PCDHGB1: variants seen among roughly 807,000 people sequenced by gnomAD.
PCDHGB1 encodes the protein protocadherin gamma subfamily B, 1, also known as protocadherin gamma-B1.
In PCDHGB1, 34 loss-of-function variants were observed where a neutral mutation model predicts 56.6. That is an observed-to-expected ratio of 0.60 (90% CI 0.46 to 0.80). The LOEUF is 0.80. Ranked by LOEUF, PCDHGB1 falls within the 30% of genes least tolerant of loss-of-function variation. The pLI is 0.00. For missense variants in PCDHGB1, 1,278 were observed against 1,204.6 expected, an observed-to-expected ratio of 1.06 and a Z score of -0.90; for synonymous variants, 561 against 505.9, an observed-to-expected ratio of 1.11 and a Z score of -1.46.
chr5:141,355,692 A>C (rs1561509462), intron 1 of PCDHGB1: 1 of 1,614,008 alleles, frequency 6.2e-7, no homozygotes, highest in East Asian at 2.2e-5. Flanking sequence ...ATGTAGGTGT[A>C]AACTCCCTGC....
chr5:141,366,573 C>G (rs1323314760), intron 1 of PCDHGB1: 1 of 1,614,252 alleles, frequency 6.2e-7, no homozygotes, highest in Admixed American at 1.7e-5. Context: ...GGGGTTCGGG[C>G]TTTCCTGCAG....
intron 1 of PCDHGB1, chr5:141,371,902 C>T: frequency 6.2e-7 from 1 of 1,613,404 alleles, no homozygotes; most frequent in Non-Finnish European, 8.5e-7. Flanking sequence ...GAGCTGTCGT[C>T]CTACGTGTCC....
At position 141,512,644 on chromosome 5, in the gene PCDHGB1, G is replaced by T. The variant is rs1283774989; in HGVS notation, c.*1471G>T. Reference sequence around the variant, plus strand: ...ACCCCAGACCTGCCCTTACAGTAGTGTAGCGCCCCCTCCCTCTTTCGGCTG... The same window carrying T: ...ACCCCAGACCTGCCCTTACAGTAGTTTAGCGCCCCCTCCCTCTTTCGGCTG... On this transcript the variant is annotated 3_prime_UTR_variant, in exon 4 of 4. Coordinates refer to ENST00000523390, the MANE Select transcript of PCDHGB1 (RefSeq NM_018922.3). 1 of 152,528 alleles carries T rather than the reference G, an allele frequency of 6.6e-6. No individual in the cohort carries two copies. The allele number at this position is 152,528 out of a possible 1,614,324, so 9.4% of individuals were successfully genotyped here.
intron 1 of PCDHGB1, chr5:141,413,675 G>C (rs773300658): frequency 6.2e-7 from 1 of 1,613,826 alleles, no homozygotes; most frequent in Non-Finnish European, 8.5e-7. Context: ...CCGGATGTGG[G>C]CGTGAACTCC....
At position 141,432,950 on chromosome 5, in the gene PCDHGB1, G is replaced by T. The variant is rs750033444; in HGVS notation, c.2410-61857G>T. ...ACGCCTGCTGCAGGCTTCAGGAGGCGGCTTGACAGGAGCGCCGGCGTCGCA... is the reference window on the plus strand; with the variant it reads ...ACGCCTGCTGCAGGCTTCAGGAGGCTGCTTGACAGGAGCGCCGGCGTCGCA... On this transcript the variant is annotated intron_variant, in intron 1 of 3. Coordinates refer to ENST00000523390, the MANE Select transcript of PCDHGB1 (RefSeq NM_018922.3). This position sits in a 1 kb window ranked among gnomAD's most constrained non-coding sequence, Gnocchi z 6.0. 6 of 1,614,072 alleles carry T rather than the reference G, an allele frequency of 3.7e-6. No individual in the cohort carries two copies. Among genetic ancestry groups the T allele is most frequent in the Admixed American group, 1.7e-5 (1 of 60,010 alleles).
intron 1 of PCDHGB1, chr5:141,366,216 CG>C (rs1338698624): frequency 6.2e-7 from 1 of 1,613,804 alleles, no homozygotes; most frequent in Non-Finnish European, 8.5e-7. Context: ...GTGCGCACAG[CG>C]CGAGCCCTGC....
intron 1 of PCDHGB1, chr5:141,362,627 G>T: frequency 1.3e-6 from 2 of 1,505,114 alleles, no homozygotes; most frequent in Non-Finnish European, 1.8e-6. Flanking sequence ...AAGTTCCACT[G>T]CGTATTTCTT....
chr5:141,499,888 A>G (rs574246186), intron 2 of PCDHGB1, among the ~76,000 whole-genome samples: 105 of 152,174 alleles, frequency 6.9e-4, no homozygotes, highest in African/African-American at 2.4e-3. Flanking sequence ...GGGTTTCGCC[A>G]TGTTGGCCAG....
At chr5:141,389,751 G>A (rs755499740) in intron 1 of PCDHGB1, 1 of 1,612,800 alleles carries the variant, frequency 6.2e-7, no homozygotes, top group Non-Finnish European at 8.5e-7. Flanking sequence ...GCGCACGGGC[G>A]AAGTGCGCAC....
intron 1 of PCDHGB1, chr5:141,441,653 G>T: frequency 4.1e-6 from 1 of 243,884 alleles, no homozygotes; most frequent in Non-Finnish European, 8.2e-6. Context: ...GATTCTAGGT[G>T]TCCTTGAGCG....
At chr5:141,366,612 C>A (rs780105196) in intron 1 of PCDHGB1, 3 of 1,614,118 alleles carry the variant, frequency 1.9e-6, no homozygotes, top group African/African-American at 1.3e-5. Flanking sequence ...TCCCTCACCG[C>A]GGACTCGAGG....
At chr5:141,446,493 T>C (rs1416449558) in intron 1 of PCDHGB1, among the ~76,000 whole-genome samples, 2 of 152,152 alleles carry the variant, frequency 1.3e-5, no homozygotes. Flanking sequence ...TTTTTTTTTT[T>C]TGAGATGGAG....
chr5:141,419,137 C>G, intron 1 of PCDHGB1: 2 of 1,613,892 alleles, frequency 1.2e-6, no homozygotes, highest in Non-Finnish European at 1.7e-6. Context: ...CAGCCACAGA[C>G]AGGGGCAAGC....
rs2097403311 is a variant in PCDHGB1 at position 141,431,640 on chromosome 5, T to C, written c.2410-63167T>C. 6.2e-7 allele frequency: 1 copy of C among 1,614,094 alleles called. No individual in the cohort carries two copies. The highest frequency in any genetic ancestry group is 8.5e-7 in the Non-Finnish European group (1 of 1,180,040). On this transcript the variant is annotated intron_variant, in intron 1 of 3. Coordinates refer to ENST00000523390, the MANE Select transcript of PCDHGB1 (RefSeq NM_018922.3). This position sits in a 1 kb window ranked among gnomAD's most constrained non-coding sequence, Gnocchi z 4.8. ...GACAAGGCGGCCCAAGTTTTCAAACTAGATTGTAATTCAGGGACAATATCA... is the reference window on the plus strand; with the variant it reads ...GACAAGGCGGCCCAAGTTTTCAAACCAGATTGTAATTCAGGGACAATATCA...
Position 141,352,315 on chromosome 5 carries a change from G to A in PCDHGB1, c.2055G>A (p.Gln685=), listed in dbSNP as rs1438457932. 3 of 1,614,064 alleles carry A rather than the reference G, an allele frequency of 1.9e-6. No individual in the cohort carries two copies. Among genetic ancestry groups the A allele is most frequent in the Non-Finnish European group, 1.7e-6 (2 of 1,179,900 alleles). The part of the protein sequence containing the change: ...PEPSDPQTEL[Q]FYLVVALALI... ...CCTCTGACCCCCAGACGGAACTGCA[G>A]TTTTACCTGGTTGTGGCCTTGGCCT... The change falls in exon 1 of 4, where the codon CAG becomes CAA. Residue 685 remains glutamine, a synonymous_variant. Coordinates refer to ENST00000523390, the MANE Select transcript of PCDHGB1 (RefSeq NM_018922.3).
chr5:141,361,000 A>C, intron 1 of PCDHGB1: 1 of 1,613,524 alleles, frequency 6.2e-7, no homozygotes, highest in Non-Finnish European at 8.5e-7. Flanking sequence ...CGAACAAGTG[A>C]AACACTTTTT....
intron 1 of PCDHGB1, chr5:141,402,902 G>GA: frequency 6.6e-7 from 1 of 1,522,022 alleles, no homozygotes; most frequent in Non-Finnish European, 8.8e-7. Flanking sequence ...AGAACCTGAT[G>GA]AAGCAGCGCG....
intron 1 of PCDHGB1, chr5:141,427,043 G>A: frequency 2.2e-6 from 1 of 457,348 alleles, no homozygotes; most frequent in Non-Finnish European, 4.4e-6. Context: ...GAGAGAATGT[G>A]CCCCCAGGCA....
At chr5:141,470,825 C>G (rs557419577) in intron 1 of PCDHGB1, among the ~76,000 whole-genome samples, 24 of 152,182 alleles carry the variant, frequency 1.6e-4, no homozygotes, top group African/African-American at 4.1e-4. Context: ...GTAGTTAGGA[C>G]GACAAACACA....
Sources: allele counts gnomAD v4.1 joint callset (sites outside exome capture counted in the v4.1 genomes callset), GRCh38; gene constraint gnomAD v4.1.1; non-coding constraint Gnocchi (gnomAD v3.1); transcripts MANE v1.5; gene names NCBI Gene and HGNC (gene_info 2026-07-23, HGNC 2026-07-21).